Variants in CEP170 observed in about 807,000 individuals in gnomAD.
CEP170 encodes centrosomal protein 170, also known as centrosomal protein of 170 kDa.
Under a neutral mutation model 151.9 loss-of-function variants are expected in CEP170, and 21 were observed. The ratio of observed to expected loss-of-function variants is 0.14; its 90% CI spans 0.10 to 0.20. The LOEUF is 0.20. CEP170 is among the 10% of genes least tolerant of loss of function. The pLI is 1.00. For synonymous variants in CEP170, 356 were observed against 648.8 expected, an observed-to-expected ratio of 0.55 and a Z score of 6.86; for missense variants, 964 against 1,892.9, an observed-to-expected ratio of 0.51 and a Z score of 9.11.
intron 4 of CEP170, among the ~76,000 whole-genome samples, chr1:243,209,208 G>A (rs1488730326): frequency 5.3e-5 from 8 of 152,040 alleles, no homozygotes; most frequent in Non-Finnish European, 8.8e-5. Context: ...TATTTTAGAC[G>A]GAGTCTTGCT....
Position 243,125,432 on chromosome 1 carries a change from T to G in CEP170, c.*1017A>C, listed in dbSNP as rs2148115828. 1 of 152,836 alleles carries G rather than the reference T, an allele frequency of 6.5e-6. No individual in the cohort carries two copies. Among genetic ancestry groups the G allele is most frequent in the East Asian group, 1.9e-4 (1 of 5,190 alleles). The allele number at this position is 152,836 out of a possible 1,614,324, so 9.5% of individuals were successfully genotyped here. A position where few individuals can be genotyped will look rare whatever the true frequency, so the allele number is the denominator to read the frequency against. On this transcript the variant is annotated 3_prime_UTR_variant, in exon 20 of 20. Coordinates refer to ENST00000366542, the MANE Select transcript of CEP170 (RefSeq NM_014812.3). ...ATTGCTTGGGAGTGAAACTATCAAC[T>G]AATCTTACGACTACTGGTTCTCCAA...
intron 3 of CEP170, among the ~76,000 whole-genome samples, chr1:243,214,477 G>A (rs1239827794): frequency 6.6e-6 from 1 of 151,446 alleles, no homozygotes; most frequent in African/African-American, 2.4e-5. Flanking sequence ...GTAGCGATGG[G>A]GTTTCACCAG....
intron 4 of CEP170, among the ~76,000 whole-genome samples, chr1:243,205,092 A>C (rs2061322468): frequency 6.6e-6 from 1 of 152,180 alleles, no homozygotes; most frequent in African/African-American, 2.4e-5. Flanking sequence ...ATCCAGACAG[A>C]GCCTGGCAGA....
At chr1:243,131,939 T>G (rs952128323) in intron 17 of CEP170, among the ~76,000 whole-genome samples, 1 of 152,258 alleles carries the variant, frequency 6.6e-6, no homozygotes, top group Non-Finnish European at 1.5e-5. Context: ...TCCCTAGTAC[T>G]AGCCCTTAAA....
chr1:243,165,855 T>A lies in CEP170; in HGVS notation c.2105A>T (p.Asn702Ile). 1.2e-6 allele frequency: 2 copies of A among 1,613,990 alleles called. No individual in the cohort carries two copies. The highest frequency in any genetic ancestry group is 1.7e-6 in the Non-Finnish European group (2 of 1,179,864). The change falls in exon 13 of 20, where the codon AAC (asparagine) becomes ATC (isoleucine). Residue 702 changes from asparagine to isoleucine, a missense_variant. By Grantham distance (149) the Asn-to-Ile change is moderately radical (BLOSUM62 -3). Coordinates refer to ENST00000366542, the MANE Select transcript of CEP170 (RefSeq NM_014812.3). Reference sequence around the variant, plus strand: ...GAGAGTCTCTCCATTTACTGCCCTGTTCATTTTACTCAAGGGTCTGTCAGC... The same window carrying A: ...GAGAGTCTCTCCATTTACTGCCCTGATCATTTTACTCAAGGGTCTGTCAGC... Reference protein sequence around the residue: ...QDADRPLSKMNRAVNGETLKT... With the variant: ...QDADRPLSKMIRAVNGETLKT...
chr1:243,139,972 T>A lies in CEP170; in HGVS notation c.4195A>T (p.Thr1399Ser), dbSNP rs776747259. Residue 1399 changes from threonine to serine, a missense_variant, in exon 16 of 20, where the codon ACA (threonine) becomes TCA (serine). Transcript: ENST00000366542. ...PQAAEPPDHL[T>S]ITRRRTWSRD... ...CTCCAGGTTCTCCGCCTTGTAATTG[T>A]TAAGTGATCGGGAGGCTCTGCTGCT... 1.2e-6 allele frequency: 2 copies of A among 1,613,304 alleles called. No homozygotes were observed. Among genetic ancestry groups the A allele is most frequent in the Non-Finnish European group, 8.5e-7 (1 of 1,179,380 alleles).
At chr1:243,181,134 C>T (rs2059592357) in intron 10 of CEP170, among the ~76,000 whole-genome samples, 1 of 152,122 alleles carries the variant, frequency 6.6e-6, no homozygotes. Context: ...GGAAGTAACC[C>T]TGACAAGGTC....
intron 4 of CEP170, 116 bp from the exon 5 acceptor site, chr1:243,200,951 T>A: frequency 9.2e-7 from 1 of 1,091,216 alleles, no homozygotes; most frequent in South Asian, 1.7e-5. Flanking sequence ...GCAGAATTAT[T>A]ATATTTCCCC....
chr1:243,224,215 A>G (rs1298868827), intron 2 of CEP170, among the ~76,000 whole-genome samples: 1 of 152,216 alleles, frequency 6.6e-6, no homozygotes, highest in Non-Finnish European at 1.5e-5. Flanking sequence ...TGCTAACTTA[A>G]TCACGTTTCT....
intron 7 of CEP170, among the ~76,000 whole-genome samples, chr1:243,194,164 C>A (rs2060488770): frequency 6.6e-6 from 1 of 151,392 alleles, no homozygotes; most frequent in Non-Finnish European, 1.5e-5. Flanking sequence ...TAAGGACAGA[C>A]AAATTGCACC....
chr1:243,140,440 T>C (rs1558392914), intron 15 of CEP170: 1 of 182,800 alleles, frequency 5.5e-6, no homozygotes, highest in Non-Finnish European at 1.1e-5. Context: ...GACAATGAGT[T>C]CATTTTACTC....
At chr1:243,245,670 C>T (rs1206676220) in intron 1 of CEP170, among the ~76,000 whole-genome samples, 4 of 151,488 alleles carry the variant, frequency 2.6e-5, no homozygotes, top group East Asian at 3.9e-4. Context: ...GCCGAGATCT[C>T]GCCACTTCAA....
At chr1:243,170,348 G>GTC (rs954779598) in intron 11 of CEP170, among the ~76,000 whole-genome samples, 6 of 151,992 alleles carry the variant, frequency 3.9e-5, no homozygotes, top group Non-Finnish European at 7.4e-5. Flanking sequence ...TCGTGCCACT[G>GTC]CACTCCAGTC....
chr1:243,208,249 C>T (rs1162242853), intron 4 of CEP170, among the ~76,000 whole-genome samples: 1 of 152,136 alleles, frequency 6.6e-6, no homozygotes, highest in African/African-American at 2.4e-5. Flanking sequence ...TGAACTACTG[C>T]AATAGCCTCC....
chr1:243,245,741 C>CA (rs1239435084), intron 1 of CEP170, among the ~76,000 whole-genome samples: 7 of 150,222 alleles, frequency 4.7e-5, no homozygotes, highest in Middle Eastern at 3.4e-3. Context: ...AAACAAAAAA[C>CA]AAAAAACAAA....
At chr1:243,221,939 T>TA in intron 2 of CEP170, 126 bp from the exon 3 acceptor site, 2 of 755,222 alleles carry the variant, frequency 2.6e-6, no homozygotes, top group Non-Finnish European at 4.0e-6. Flanking sequence ...AAGTGTGGAT[T>TA]AAATGAGATT....
intron 14 of CEP170, among the ~76,000 whole-genome samples, chr1:243,151,138 G>A (rs915795749): frequency 1.3e-5 from 2 of 152,146 alleles, no homozygotes; most frequent in Non-Finnish European, 2.9e-5. Context: ...TAGCCCTCAC[G>A]GCTTCCTGTT....
At chr1:243,170,210 AC>A (rs1165226826) in intron 11 of CEP170, among the ~76,000 whole-genome samples, 17 of 129,802 alleles carry the variant, frequency 1.3e-4, no homozygotes, top group African/African-American at 4.0e-4. Flanking sequence ...ACATGGTGAA[AC>A]CCTGTCTCTA....
At chr1:243,182,006 T>C (rs2059646956) in intron 10 of CEP170, among the ~76,000 whole-genome samples, 1 of 152,178 alleles carries the variant, frequency 6.6e-6, no homozygotes, top group South Asian at 2.1e-4. Context: ...AGAAGTTTAA[T>C]TGCCAGTGTG....
Sources: gnomAD v4.1 joint callset for allele counts (sites outside exome capture counted in the v4.1 genomes callset) on GRCh38, gnomAD v4.1.1 for gene constraint, MANE v1.5 for transcripts, NCBI Gene and HGNC (gene_info 2026-07-23, HGNC 2026-07-21) for gene names.